CPS1: variants seen among roughly 807,000 people sequenced by gnomAD.
CPS1 encodes the protein carbamoyl-phosphate synthase [ammonia], mitochondrial.
Under a neutral mutation model 174.6 loss-of-function variants are expected in CPS1, and 109 were observed. The ratio of observed to expected loss-of-function variants is 0.62; its 90% CI spans 0.53 to 0.73. The LOEUF (loss-of-function observed/expected upper bound fraction) is 0.73, where lower values mean the gene tolerates loss of function less well. Among genes scored for constraint, CPS1 ranks in the 30% least tolerant of loss-of-function variants. CPS1 has a pLI of 0.00. For missense variants in CPS1, 1,689 were observed against 1,821.9 expected, an observed-to-expected ratio of 0.93 and a Z score of 1.33; for synonymous variants, 637 against 632.0, an observed-to-expected ratio of 1.01 and a Z score of -0.12.
At chr2:210,628,727 G>A (rs1175655483) in intron 21 of CPS1, among the ~76,000 whole-genome samples, 1 of 152,034 alleles carries the variant, frequency 6.6e-6, no homozygotes, top group Non-Finnish European at 1.5e-5. Flanking sequence ...CTGAACTGGG[G>A]AGGTGGAGGT....
chr2:210,478,999 C>T lies in CPS1; in HGVS notation c.3+1233C>T, dbSNP rs182257921. Among the ~76,000 whole-genome samples, 186 of 147,790 alleles carry T rather than the reference C, an allele frequency of 1.3e-3. 2 individuals are homozygous for T. Among genetic ancestry groups the T allele is most frequent in the African/African-American group, 4.5e-3 (181 of 40,376 alleles). On this transcript the variant is annotated intron_variant, in intron 1 of 38. Coordinates refer to the CPS1 transcript ENST00000430249. ...TCCTTCCTTTTTGTCAGAGAACCAA[C>T]CCAGAGAATCCCTCCTTGGTTCTGA...
At chr2:210,573,145 CA>C (rs1697572242) in intron 1 of CPS1, among the ~76,000 whole-genome samples, 152 bp from the exon 2 acceptor site, 1 of 151,952 alleles carries the variant, frequency 6.6e-6, no homozygotes, top group Admixed American at 6.6e-5. Flanking sequence ...AGAAAAGTGA[CA>C]AGTAATAGGA....
intron 1 of CPS1, among the ~76,000 whole-genome samples, chr2:210,498,397 T>C (rs1457356782): frequency 6.6e-6 from 1 of 152,152 alleles, no homozygotes; most frequent in East Asian, 1.9e-4. Context: ...CTAGGTATTT[T>C]ATTTTATTTT....
At chr2:210,615,319 AG>A (rs1234494589) in intron 20 of CPS1, among the ~76,000 whole-genome samples, 1 of 152,018 alleles carries the variant, frequency 6.6e-6, no homozygotes, top group Non-Finnish European at 1.5e-5. Flanking sequence ...TACATTGACT[AG>A]GAAATGAACA....
intron 1 of CPS1, among the ~76,000 whole-genome samples, chr2:210,482,694 G>A (rs1254152327): frequency 6.6e-6 from 1 of 151,878 alleles, no homozygotes; most frequent in Non-Finnish European, 1.5e-5. Flanking sequence ...GAGAGAGAGA[G>A]AGCACAATTC....
intron 21 of CPS1, among the ~76,000 whole-genome samples, chr2:210,630,182 T>C (rs1699825524): frequency 6.6e-6 from 1 of 152,086 alleles, no homozygotes; most frequent in Admixed American, 6.5e-5. Context: ...TTTTTCTTCA[T>C]CATTATTCCT....
At chr2:210,518,161 G>A (rs1695730776) in intron 1 of CPS1, among the ~76,000 whole-genome samples, 1 of 151,928 alleles carries the variant, frequency 6.6e-6, no homozygotes, top group African/African-American at 2.4e-5. Flanking sequence ...TATTTCTCAA[G>A]GTACCAACTA....
chr2:210,588,883 A>G (rs1698195625), intron 7 of CPS1, among the ~76,000 whole-genome samples: 1 of 152,128 alleles, frequency 6.6e-6, no homozygotes, highest in Non-Finnish European at 1.5e-5. Flanking sequence ...ATTTGCATGG[A>G]TAGCATGCAT....
chr2:210,505,675 G>A (rs548928408), intron 1 of CPS1, among the ~76,000 whole-genome samples: 2 of 152,258 alleles, frequency 1.3e-5, no homozygotes, highest in Non-Finnish European at 1.5e-5. Context: ...CTGGAAAATT[G>A]GGTCACTCCC....
At chr2:210,663,077 T>C (rs1700974707) in intron 32 of CPS1, 46 bp from the exon 33 acceptor site, 3 of 1,543,090 alleles carry the variant, frequency 1.9e-6, no homozygotes, top group Non-Finnish European at 2.7e-6. Context: ...CATTTTCTAC[T>C]TTTCCCTCAC....
chr2:210,546,411 T>C (rs868678204), intron 1 of CPS1, among the ~76,000 whole-genome samples: 9 of 152,038 alleles, frequency 5.9e-5, no homozygotes, highest in African/African-American at 1.7e-4. Flanking sequence ...AGTTAAGCAG[T>C]GTGGAGCTAT....
chr2:210,502,425 A>G (rs1440245334), intron 1 of CPS1, among the ~76,000 whole-genome samples: 1 of 145,998 alleles, frequency 6.8e-6, no homozygotes, highest in Non-Finnish European at 1.5e-5. Context: ...ATATATATAT[A>G]AAAGAGAGAT....
chr2:210,587,975 A>G, intron 6 of CPS1, 83 bp from the exon 7 acceptor site: 1 of 1,200,010 alleles, frequency 8.3e-7, no homozygotes, highest in Non-Finnish European at 1.2e-6. Flanking sequence ...CTAAGTTCAA[A>G]ACATTGTCAG....
At chr2:210,490,067 A>AGAAGGAAGGAAGGAAG (rs146316563) in intron 1 of CPS1, among the ~76,000 whole-genome samples, 4 of 150,986 alleles carry the variant, frequency 2.6e-5, no homozygotes, top group African/African-American at 9.7e-5. Context: ...GATGGAAGGA[A>AGAAGGAAGGAAGGAAG]GAAGGAAGGA....
chr2:210,677,233 C>G lies in CPS1; in HGVS notation c.4404+97C>G, dbSNP rs796461665. 36 of 1,221,050 alleles carry G rather than the reference C, an allele frequency of 2.9e-5. No individual in the cohort carries two copies. In the African/African-American group the frequency reaches 4.8e-4, roughly 16 times the overall value. 75.6% of individuals were successfully genotyped at this position (1,221,050 alleles called of 1,614,324 possible). ...TAGATGCACATCTCTCTTTTCCCCT[C>G]TTTGTAACTTTCAGAATAGAGAGGA... On this transcript the variant is annotated intron_variant, in intron 37 of 37. Transcript: ENST00000233072.
chr2:210,521,592 T>G (rs1695827874), intron 1 of CPS1, among the ~76,000 whole-genome samples: 1 of 152,046 alleles, frequency 6.6e-6, no homozygotes, highest in Admixed American at 6.6e-5. Flanking sequence ...TCTTTTCTTC[T>G]GCAATATATA....
chr2:210,583,699 A>G (rs113633246), intron 6 of CPS1, among the ~76,000 whole-genome samples: 54 of 152,280 alleles, frequency 3.5e-4, no homozygotes, highest in African/African-American at 1.1e-3. Flanking sequence ...ATTGGTTTAC[A>G]CACTTGGGCA....
intron 1 of CPS1, among the ~76,000 whole-genome samples, chr2:210,511,121 G>A (rs1205822615): frequency 6.6e-6 from 1 of 152,112 alleles, no homozygotes; most frequent in Admixed American, 6.6e-5. Context: ...GCAAAGACTT[G>A]GAACCAACCC....
rs1186038281 is a variant in CPS1, at chr2:210,525,487, C to CAA, written c.4-31231_4-31230insAA. On this transcript the variant is annotated intron_variant, in intron 1 of 38. Coordinates refer to the CPS1 transcript ENST00000430249. ...CATTTATTAAATTTTTCATGTCTTCCAGGTCCTGCATGAGGCTTTGAAATT... is the reference window on the plus strand; with the variant it reads ...CATTTATTAAATTTTTCATGTCTTCCAAAGGTCCTGCATGAGGCTTTGAAATT... 4.1e-4 allele frequency among the ~76,000 whole-genome samples: 62 copies of CAA among 151,780 alleles called. No homozygotes were observed. The East Asian group carries it at 0.012, about 29-fold the overall frequency.
Sources: gnomAD v4.1 joint callset for allele counts (sites outside exome capture counted in the v4.1 genomes callset) on GRCh38, gnomAD v4.1.1 for gene constraint, MANE v1.5 for transcripts, NCBI Gene and HGNC (gene_info 2026-07-23, HGNC 2026-07-21) for gene names.